TMEM45A: variants seen among roughly 807,000 people sequenced by gnomAD.
The protein encoded by TMEM45A is DNA polymerase-transactivated protein 4.
In TMEM45A, 25 loss-of-function variants were observed where a neutral mutation model predicts 32.0. The observed-to-expected ratio is 0.78, with a 90% confidence interval of 0.57 to 1.09. The LOEUF is 1.09. TMEM45A is among the 50% of genes least tolerant of loss of function. The probability of loss-of-function intolerance (pLI) is 0.00; values close to 1 mark genes in which losing one functional copy is unlikely to be tolerated. For missense variants in TMEM45A, 302 were observed against 325.0 expected (o/e 0.93, Z 0.54); for synonymous variants, 122 against 114.8 (o/e 1.06, Z -0.40).
intron 2 of TMEM45A, among the ~76,000 whole-genome samples, chr3:100,555,998 C>G (rs927778640): frequency 6.6e-6 from 1 of 150,992 alleles, no homozygotes; most frequent in African/African-American, 2.4e-5. Context: ...TTCCTTTTTT[C>G]TTTTGAGATG....
chr3:100,517,326 C>T (rs1708279694), intron 1 of TMEM45A, among the ~76,000 whole-genome samples: 2 of 152,116 alleles, frequency 1.3e-5, no homozygotes, highest in Non-Finnish European at 2.9e-5. Context: ...CCATTTTGGC[C>T]AGGCTGGTCT....
At chr3:100,544,528 C>T (rs1576281772) in intron 1 of TMEM45A, among the ~76,000 whole-genome samples, 1 of 152,170 alleles carries the variant, frequency 6.6e-6, no homozygotes, top group African/African-American at 2.4e-5. Flanking sequence ...CAATTCTATT[C>T]CCTTTACCTG....
intron 5 of TMEM45A, among the ~76,000 whole-genome samples, chr3:100,575,363 CTTTTTTTTTTTTTTTTT>C (rs59739893): frequency 3.2e-5 from 2 of 62,762 alleles, no homozygotes; most frequent in South Asian, 1.9e-3. Context: ...TATGGATTCT[CTTTTTTTTTTTTTTTTT>C]TTTTTTTTTT....
intron 1 of TMEM45A, among the ~76,000 whole-genome samples, chr3:100,545,551 C>T (rs937075558): frequency 1.3e-5 from 2 of 152,184 alleles, no homozygotes; most frequent in East Asian, 1.9e-4. Context: ...TCTAGGGTGA[C>T]TCCTTTTTGT....
intron 5 of TMEM45A, chr3:100,571,991 A>T (rs1423829302): frequency 1.3e-5 from 2 of 152,076 alleles, no homozygotes; most frequent in Non-Finnish European, 2.9e-5. Context: ...TCTTAATCCA[A>T]TCTATCGTTG....
intron 1 of TMEM45A, among the ~76,000 whole-genome samples, chr3:100,499,017 G>A (rs1707973127): frequency 6.6e-6 from 1 of 152,056 alleles, no homozygotes; most frequent in African/African-American, 2.4e-5. Context: ...TTGGCCATTT[G>A]TAAATCTTTT....
chr3:100,532,387 C>A (rs1472368464), intron 1 of TMEM45A, among the ~76,000 whole-genome samples: 1 of 152,104 alleles, frequency 6.6e-6, no homozygotes, highest in African/African-American at 2.4e-5. Flanking sequence ...AAGATAAAAA[C>A]CAGAACAAAA....
At position 100,539,432 on chromosome 3, in the gene TMEM45A, G is replaced by GATATGTATATGCATATGCATATGC. The variant is rs1553682654; in HGVS notation, c.-3-15766_-3-15765insCATATGCATATGCATATGTATATG. Among the ~76,000 whole-genome samples, 374 of 82,746 alleles carry GATATGTATATGCATATGCATATGC rather than the reference G, an allele frequency of 4.5e-3. 4 individuals are homozygous for GATATGTATATGCATATGCATATGC. The highest frequency in any genetic ancestry group is 0.014 in the African/African-American group (351 of 24,898). The allele number at this position is 82,746 out of a possible 152,430, so 54.3% of individuals were successfully genotyped here. On this transcript the variant is annotated intron_variant, in intron 1 of 5. Transcript: ENST00000323523. ...TCTCCAGAGAAACAGAACCCAATAGGATATGTATATGTATATGTATATGTA... is the reference window on the plus strand; with the variant it reads ...TCTCCAGAGAAACAGAACCCAATAGGATATGTATATGCATATGCATATGCATATGTATATGTATATGTATATGTA...
At chr3:100,539,530 C>A (rs1705822805) in intron 1 of TMEM45A, among the ~76,000 whole-genome samples, 1 of 111,062 alleles carries the variant, frequency 9.0e-6, no homozygotes, top group Non-Finnish European at 2.2e-5. Context: ...TGTGGGGAAC[C>A]ATTATGGGAA....
At chr3:100,514,196 G>A (rs1329193618) in intron 1 of TMEM45A, among the ~76,000 whole-genome samples, 3 of 152,158 alleles carry the variant, frequency 2.0e-5, no homozygotes, top group Non-Finnish European at 2.9e-5. Context: ...GAACAAAGCT[G>A]GAGGCATCAT....
intron 1 of TMEM45A, among the ~76,000 whole-genome samples, chr3:100,553,876 A>G (rs559806496): frequency 6.6e-6 from 1 of 152,294 alleles, no homozygotes; most frequent in East Asian, 1.9e-4. Flanking sequence ...ACTGAGATAT[A>G]AGAGACTTTT....
rs1706706915 is a variant in TMEM45A, at chr3:100,577,083, T to C, written c.*65T>C. The C allele has an allele frequency of 1.5e-6, 2 of 1,374,898 alleles. No homozygotes were observed. The highest frequency in any genetic ancestry group is 1.9e-5 in the Admixed American group (1 of 53,248). The allele number at this position is 1,374,898 out of a possible 1,614,324, so 85.2% of individuals were successfully genotyped here. A position where few individuals can be genotyped will look rare whatever the true frequency, so the allele number is the denominator to read the frequency against. On this transcript the variant is annotated 3_prime_UTR_variant, in exon 6 of 6. Coordinates refer to ENST00000323523, the MANE Select transcript of TMEM45A (RefSeq NM_018004.3). ...TTTTTACATTGTTCTTGGTTTTGTT[T>C]CTCGATCTTTTGTTTGGAGAACAGC...
chr3:100,514,007 T>C (rs376807497), intron 1 of TMEM45A, among the ~76,000 whole-genome samples: 175 of 152,144 alleles, frequency 1.2e-3, no homozygotes, highest in African/African-American at 3.3e-3. Flanking sequence ...ACATTCCATG[T>C]TCATGGGTAG....
intron 1 of TMEM45A, among the ~76,000 whole-genome samples, chr3:100,538,911 A>C (rs1422837148): frequency 6.6e-6 from 1 of 152,112 alleles, no homozygotes; most frequent in Non-Finnish European, 1.5e-5. Flanking sequence ...TATAAGATCT[A>C]TATGAGGAAA....
At chr3:100,572,979 T>A (rs1277997361) in intron 5 of TMEM45A, 1 of 151,870 alleles carries the variant, frequency 6.6e-6, no homozygotes, top group East Asian at 1.9e-4. Flanking sequence ...TTGGTACCAG[T>A]ACCATGCTGT....
At chr3:100,529,205 T>C (rs1037988671) in intron 1 of TMEM45A, among the ~76,000 whole-genome samples, 2 of 152,220 alleles carry the variant, frequency 1.3e-5, no homozygotes, top group Non-Finnish European at 2.9e-5. Flanking sequence ...CAATTAGTTG[T>C]AGGCTTTAAC....
chr3:100,494,027 C>T (rs371809983), intron 1 of TMEM45A, among the ~76,000 whole-genome samples: 10 of 152,070 alleles, frequency 6.6e-5, no homozygotes, highest in East Asian at 1.9e-4. Context: ...CCACTGCACC[C>T]GACCTTATAA....
chr3:100,577,309 T>C lies in TMEM45A; in HGVS notation c.*291T>C, dbSNP rs1576300575. The C allele has an allele frequency of 3.7e-6, 1 of 272,700 alleles. No individual in the cohort carries two copies. The highest frequency in any genetic ancestry group is 1.1e-4 in the East Asian group (1 of 9,264). The allele number at this position is 272,700 out of a possible 1,614,324, so 16.9% of individuals were successfully genotyped here. Reference sequence around the variant, plus strand: ...GGATGCCCACACTATGAAAGAAATATTTGTTTTATTTGCCTTATAGATATG... The same window carrying C: ...GGATGCCCACACTATGAAAGAAATACTTGTTTTATTTGCCTTATAGATATG... On this transcript the variant is annotated 3_prime_UTR_variant, in exon 6 of 6. Coordinates refer to ENST00000323523, the MANE Select transcript of TMEM45A (RefSeq NM_018004.3).
At chr3:100,516,868 A>AT (rs1488815426) in intron 1 of TMEM45A, among the ~76,000 whole-genome samples, 4 of 151,712 alleles carry the variant, frequency 2.6e-5, no homozygotes, top group Non-Finnish European at 5.9e-5. Flanking sequence ...CTGAGAGGAG[A>AT]TTTTTTACTT....
Sources: gnomAD v4.1 joint callset for allele counts (sites outside exome capture counted in the v4.1 genomes callset) on GRCh38, gnomAD v4.1.1 for gene constraint, MANE v1.5 for transcripts, NCBI Gene and HGNC (gene_info 2026-07-23, HGNC 2026-07-21) for gene names.